The following TRAK1 variants were observed in gnomAD, a reference collection of about 807,000 sequenced individuals.
TRAK1 encodes trafficking kinesin protein 1, also known as trafficking kinesin-binding protein 1.
TRAK1 carries 33 observed loss-of-function variants against 92.1 expected under a neutral mutation model. The observed-to-expected ratio is 0.36, with a 90% CI of 0.27 to 0.48. The LOEUF is 0.48. Ranked by LOEUF, TRAK1 falls within the 20% of genes least tolerant of loss-of-function variation. TRAK1 has a pLI of 0.99. For synonymous variants in TRAK1, 521 were observed against 517.3 expected (o/e 1.01, Z -0.10); for missense variants, 1,123 against 1,257.9 (o/e 0.89, Z 1.62).
chr3:42,189,375 C>G (rs1705345223), intron 6 of TRAK1, among the ~76,000 whole-genome samples: 1 of 152,126 alleles, frequency 6.6e-6, no homozygotes, highest in Non-Finnish European at 1.5e-5. Context: ...TTGGAGGGCC[C>G]CTCCTTCACA....
At chr3:42,025,313 G>A (rs1401268724) in intron 1 of TRAK1, among the ~76,000 whole-genome samples, 2 of 152,116 alleles carry the variant, frequency 1.3e-5, no homozygotes, top group Non-Finnish European at 2.9e-5. Flanking sequence ...TCGTTGTGGT[G>A]TAGAAAATTT....
intron 1 of TRAK1, among the ~76,000 whole-genome samples, chr3:42,064,658 G>T (rs1296522228): frequency 1.3e-5 from 2 of 152,146 alleles, no homozygotes; most frequent in African/African-American, 4.8e-5. Flanking sequence ...AAATATTTGT[G>T]CTAGACTTCC....
Position 42,091,365 on chromosome 3 carries a change from G to T in TRAK1, c.-105G>T. 1.0e-6 allele frequency: 1 copy of T among 991,982 alleles called. No individual in the cohort carries two copies. Among genetic ancestry groups the T allele is most frequent in the East Asian group, 2.6e-5 (1 of 38,258 alleles). The allele number at this position is 991,982 out of a possible 1,614,324, so 61.4% of individuals were successfully genotyped here. Reference sequence around the variant, plus strand: ...CCCTAACAAGCAAACTCAGAAAACTGCTGAGGAAGGCACGGGAGGGTGGCT... The same window carrying T: ...CCCTAACAAGCAAACTCAGAAAACTTCTGAGGAAGGCACGGGAGGGTGGCT... On this transcript the variant is annotated 5_prime_UTR_variant, in exon 1 of 16. Transcript: ENST00000327628.
At chr3:42,060,192 G>A (rs1356326346) in intron 1 of TRAK1, among the ~76,000 whole-genome samples, 1 of 152,148 alleles carries the variant, frequency 6.6e-6, no homozygotes, top group Admixed American at 6.5e-5. Context: ...CTATTTGGGA[G>A]AGAGGGGAAA....
rs1213000750 is a variant in TRAK1, at chr3:42,184,792, C to G, written c.471C>G (p.Ile157Met). The change falls in exon 4 of 16, where the codon ATC becomes ATG. Residue 157 changes from isoleucine (I) to methionine (M), a missense_variant. Transcript: ENST00000327628. ...TGCTGGAGGAGCAGGTGGAACACAT[C>G]AGGGAGGAGGTAAGACATTGGAGGC... The part of the protein sequence containing the change: ...NELLEEQVEH[I>M]REEVSQLRHE... 9 of 1,613,508 alleles carry G rather than the reference C, an allele frequency of 5.6e-6. No individual in the cohort carries two copies. The East Asian group carries it at 1.1e-4, about 20-fold the overall frequency.
rs545631357 is a variant in TRAK1 at position 42,137,615 on chromosome 3, G to C, written c.286+12001G>C. Among the ~76,000 whole-genome samples, 319 of 152,270 alleles carry C rather than the reference G, an allele frequency of 2.1e-3. 2 individuals are homozygous for C. Among genetic ancestry groups the C allele is most frequent in the Non-Finnish European group, 4.0e-3 (273 of 68,026 alleles). ...TCAACTTCTCAAACTTTGGACCAAG[G>C]GCAGTTTTGTGGGGGAAAGCAGTAA... is the stretch of plus-strand genomic sequence containing the variant. On this transcript the variant is annotated intron_variant, in intron 2 of 15. Transcript: ENST00000327628.
At chr3:42,092,681 T>TTGTTTTGTTGTGTTGTGTTG (rs750189192) in intron 1 of TRAK1, among the ~76,000 whole-genome samples, 1,722 of 131,114 alleles carry the variant, frequency 0.013, 28 homozygotes, top group Middle Eastern at 0.03. Flanking sequence ...TCCTTTTATT[T>TTGTTTTGTTGTGTTGTGTTG]TGTTGTGTTG....
intron 1 of TRAK1, among the ~76,000 whole-genome samples, chr3:42,053,788 A>G (rs750126437): frequency 5.9e-5 from 9 of 151,976 alleles, no homozygotes; most frequent in Non-Finnish European, 2.9e-5. Context: ...ATGAAACCCC[A>G]CGTGCCGAGG....
Position 42,194,911 on chromosome 3 carries a change from G to A in TRAK1, c.1083G>A (p.Arg361=). ...AAACCATGCCCAATACCACGTCTCG[G>A]CGCTACCACTCACTGGGCCTGTTTC... ...RNKTMPNTTS[R]RYHSLGLFPM... is the part of the protein sequence containing the mutation. The change falls in exon 10 of 16, where the codon CGG becomes CGA. Residue 361 remains arginine (R), a synonymous_variant. Transcript: ENST00000327628. 1 of 1,613,896 alleles carries A rather than the reference G, an allele frequency of 6.2e-7. No homozygotes were observed. Among genetic ancestry groups the A allele is most frequent in the East Asian group, 2.2e-5 (1 of 44,874 alleles).
At chr3:42,046,477 C>T (rs1459437579) in intron 1 of TRAK1, among the ~76,000 whole-genome samples, 2 of 152,088 alleles carry the variant, frequency 1.3e-5, no homozygotes, top group Admixed American at 6.6e-5. Flanking sequence ...ATGAGGGTTT[C>T]GATGGCCCTT....
upstream of TRAK1, among the ~76,000 whole-genome samples, chr3:42,089,931 C>T (rs987379440): frequency 6.6e-6 from 1 of 152,176 alleles, no homozygotes; most frequent in Non-Finnish European, 1.5e-5. Flanking sequence ...TCAATTTGTG[C>T]AGTGAGTACT....
chr3:42,055,029 C>G (rs1264141032), intron 1 of TRAK1, among the ~76,000 whole-genome samples: 1 of 144,172 alleles, frequency 6.9e-6, no homozygotes, highest in Non-Finnish European at 1.5e-5. Flanking sequence ...AGGAAATTCT[C>G]CTGTCTCAGC....
intron 1 of TRAK1, among the ~76,000 whole-genome samples, chr3:42,101,234 C>T (rs1447599804): frequency 6.6e-6 from 1 of 152,252 alleles, no homozygotes; most frequent in Non-Finnish European, 1.5e-5. Context: ...GAGCCTCCCA[C>T]TGGACATGGA....
intron 1 of TRAK1, among the ~76,000 whole-genome samples, chr3:42,098,731 AAAG>A (rs1706304484): frequency 6.6e-6 from 1 of 152,172 alleles, no homozygotes; most frequent in Non-Finnish European, 1.5e-5. Flanking sequence ...TGGTGTTGGA[AAAG>A]AAGGAGCGCC....
At position 42,202,909 on chromosome 3, in the gene TRAK1, G is replaced by T. The variant is rs945568198; in HGVS notation, c.1744+157G>T. 2.8e-6 allele frequency: 4 copies of T among 1,441,350 alleles called. No individual in the cohort carries two copies. The highest frequency in any genetic ancestry group is 3.6e-6 in the Non-Finnish European group (4 of 1,096,542). The allele number at this position is 1,441,350 out of a possible 1,614,324, so 89.3% of individuals were successfully genotyped here. On this transcript the variant is annotated intron_variant, in intron 13 of 15. Coordinates refer to ENST00000327628, the MANE Select transcript of TRAK1 (RefSeq NM_001042646.3). This position sits in a 1 kb window ranked among gnomAD's most constrained non-coding sequence, Gnocchi z 6.1. ...TGGTTTGAGTTCCTCTGAGGGTGGTGCTCAGCCTAGGCCTCCGTCCCTCCC... is the reference window on the plus strand; with the variant it reads ...TGGTTTGAGTTCCTCTGAGGGTGGTTCTCAGCCTAGGCCTCCGTCCCTCCC...
chr3:42,193,759 A>G, intron 8 of TRAK1, 65 bp from the exon 9 acceptor site: 1 of 1,529,884 alleles, frequency 6.5e-7, no homozygotes, highest in Non-Finnish European at 9.1e-7. Context: ...TTAGGTTAAT[A>G]AGAGGGAAAA....
At position 42,198,881 on chromosome 3, in the gene TRAK1, A is replaced by C. The variant is rs576606664; in HGVS notation, c.1114-296A>C. ...CATCCCATCTCGTAGCCATGGTTAC[A>C]GCTCCATGGTTTGGCCAACGGAGCA... On this transcript the variant is annotated intron_variant, in intron 10 of 15. Coordinates refer to ENST00000327628, the MANE Select transcript of TRAK1 (RefSeq NM_001042646.3). 1.3e-4 allele frequency among the ~76,000 whole-genome samples: 20 copies of C among 152,190 alleles called. No homozygotes were observed. In the East Asian group the frequency reaches 3.7e-3, roughly 28 times the overall value.
intron 15 of TRAK1, among the ~76,000 whole-genome samples, chr3:42,221,228 C>T (rs1710315570): frequency 6.6e-6 from 1 of 152,128 alleles, no homozygotes; most frequent in Non-Finnish European, 1.5e-5. Flanking sequence ...TTGCCCTTTA[C>T]TGAGGGTACA....
chr3:42,113,199 C>T (rs1330024791), intron 1 of TRAK1, among the ~76,000 whole-genome samples: 1 of 152,204 alleles, frequency 6.6e-6, no homozygotes, highest in East Asian at 1.9e-4. Flanking sequence ...GCCATAATTG[C>T]ATCACTGCAC....
Sources: gnomAD v4.1 joint callset for allele counts (sites outside exome capture counted in the v4.1 genomes callset) on GRCh38, gnomAD v4.1.1 for gene constraint, Gnocchi (gnomAD v3.1) non-coding constraint, MANE v1.5 for transcripts, NCBI Gene and HGNC (gene_info 2026-07-23, HGNC 2026-07-21) for gene names.